Variants in ZNF461 observed in about 807,000 individuals in gnomAD.
ZNF461 encodes the protein zinc finger protein 461, also known as gonadotropin-inducible ovarian transcription factor-1.
Under a neutral mutation model 18.3 loss-of-function variants are expected in ZNF461, and 16 were observed. The ratio of observed to expected loss-of-function variants is 0.88; its 90% confidence interval spans 0.59 to 1.33. ZNF461 has a LOEUF of 1.33. Ranked by LOEUF, ZNF461 falls within the 40% of genes most tolerant of loss-of-function variation. ZNF461 has a pLI of 0.00. For missense variants in ZNF461, 595 were observed against 669.9 expected, an observed-to-expected ratio of 0.89 and a Z score of 1.23; for synonymous variants, 179 against 216.9, an observed-to-expected ratio of 0.83 and a Z score of 1.54.
intron 2 of ZNF461, among the ~76,000 whole-genome samples, chr19:36,661,956 G>A (rs1030844647): frequency 2.9e-4 from 44 of 151,044 alleles, no homozygotes; most frequent in Admixed American, 2.6e-4. Context: ...TGCAACCTCT[G>A]CCTCCCGGGT....
intron 4 of ZNF461, among the ~76,000 whole-genome samples, chr19:36,655,341 T>G (rs890629572): frequency 6.6e-6 from 1 of 152,154 alleles, no homozygotes; most frequent in African/African-American, 2.4e-5. Flanking sequence ...CAGTGGTGTA[T>G]GCCTGTAATC....
At chr19:36,650,108 G>A (rs934434952) in intron 4 of ZNF461, among the ~76,000 whole-genome samples, 2 of 152,168 alleles carry the variant, frequency 1.3e-5, no homozygotes, top group Non-Finnish European at 2.9e-5. Flanking sequence ...CCAGAAGACG[G>A]AGGGTCCAGT....
rs1435710730 is a variant in ZNF461 at position 36,666,097 on chromosome 19, T to TTG, written c.-81+592_-81+593insCA. On this transcript the variant is annotated intron_variant, in intron 1 of 5. Coordinates refer to ENST00000588268, the MANE Select transcript of ZNF461 (RefSeq NM_153257.5). The stretch of plus-strand genomic sequence containing the variant: ...GAGGATAACGTGAATGTTTTTTTGT[T>TTG]TTTTTTTTTTTGAGACAGTTTCGTT... 2.1e-5 allele frequency among the ~76,000 whole-genome samples: 3 copies of TTG among 142,522 alleles called. No homozygotes were observed. In the East Asian group the frequency reaches 6.1e-4, roughly 29 times the overall value. The allele number at this position is 142,522 out of a possible 152,430, so 93.5% of individuals were successfully genotyped here.
chr19:36,661,065 C>T (rs553264906), intron 2 of ZNF461, among the ~76,000 whole-genome samples: 3 of 152,146 alleles, frequency 2.0e-5, no homozygotes, highest in African/African-American at 7.2e-5. Flanking sequence ...TGCTTAAGGC[C>T]AGGAGTTTGA....
chr19:36,643,940 T>A, intron 4 of ZNF461, 78 bp from the exon 5 acceptor site: 1 of 1,196,654 alleles, frequency 8.4e-7, no homozygotes, highest in Non-Finnish European at 1.1e-6. Context: ...TATCTATTTC[T>A]TTTTCTTTTT....
At chr19:36,649,416 T>C (rs2037587043) in intron 4 of ZNF461, among the ~76,000 whole-genome samples, 1 of 152,224 alleles carries the variant, frequency 6.6e-6, no homozygotes, top group South Asian at 2.1e-4. Context: ...CTGCAACCTC[T>C]GCCTCCCAGG....
At chr19:36,643,914 T>C in intron 4 of ZNF461, 52 bp from the exon 5 acceptor site, 2 of 1,328,910 alleles carry the variant, frequency 1.5e-6, no homozygotes, top group East Asian at 2.7e-5. Context: ...TATTTTATTA[T>C]ACAATAAAAA....
chr19:36,660,783 G>A (rs1180412237), intron 2 of ZNF461, among the ~76,000 whole-genome samples: 1 of 150,992 alleles, frequency 6.6e-6, no homozygotes, highest in Admixed American at 6.6e-5. Context: ...AAATTCTTCA[G>A]GTGGAAAAAA....
At chr19:36,646,619 A>T (rs2037533040) in intron 4 of ZNF461, among the ~76,000 whole-genome samples, 4 of 152,190 alleles carry the variant, frequency 2.6e-5, no homozygotes, top group African/African-American at 9.7e-5. Context: ...CAAATAACTA[A>T]TGCATCATGT....
At chr19:36,658,892 G>A (rs1405349217) in intron 2 of ZNF461, among the ~76,000 whole-genome samples, 1 of 152,146 alleles carries the variant, frequency 6.6e-6, no homozygotes, top group Non-Finnish European at 1.5e-5. Flanking sequence ...GGACACTGCT[G>A]TATCTTGCAT....
At chr19:36,658,476 A>T in intron 2 of ZNF461, 51 bp from the exon 3 acceptor site, 2 of 1,526,272 alleles carry the variant, frequency 1.3e-6, no homozygotes, top group South Asian at 2.5e-5. Context: ...AAATGTTTTT[A>T]AAAAGAAAAG....
intron 2 of ZNF461, among the ~76,000 whole-genome samples, chr19:36,662,990 T>C (rs2037842933): frequency 6.6e-6 from 1 of 152,220 alleles, no homozygotes; most frequent in Non-Finnish European, 1.5e-5. Context: ...AATTAATGTC[T>C]CTTACTGCTG....
At chr19:36,658,877 T>C (rs760272457) in intron 2 of ZNF461, among the ~76,000 whole-genome samples, 1 of 152,208 alleles carries the variant, frequency 6.6e-6, no homozygotes, top group African/African-American at 2.4e-5. Context: ...ATATTTTCCA[T>C]AGATGGACAC....
intron 2 of ZNF461, among the ~76,000 whole-genome samples, chr19:36,660,293 G>T (rs1488828709): frequency 1.3e-5 from 2 of 151,576 alleles, no homozygotes; most frequent in Non-Finnish European, 2.9e-5. Flanking sequence ...GGGATTACAG[G>T]TGCACACCAC....
At chr19:36,649,195 G>T (rs1225235374) in intron 4 of ZNF461, among the ~76,000 whole-genome samples, 1 of 152,136 alleles carries the variant, frequency 6.6e-6, no homozygotes, top group African/African-American at 2.4e-5. Context: ...ATCTGAAGGA[G>T]AAAAGGCAAT....
chr19:36,665,156 A>C (rs1427604679), intron 1 of ZNF461, among the ~76,000 whole-genome samples: 1 of 152,186 alleles, frequency 6.6e-6, no homozygotes, highest in Non-Finnish European at 1.5e-5. Flanking sequence ...CATTATGAGA[A>C]AAGATTAGGG....
intron 1 of ZNF461, among the ~76,000 whole-genome samples, chr19:36,666,436 A>C (rs534002723): frequency 1.3e-5 from 2 of 152,114 alleles, no homozygotes; most frequent in South Asian, 4.1e-4. Context: ...TGAGATTTAC[A>C]CAAATAGCCA....
chr19:36,660,473 C>T (rs2037798677), intron 2 of ZNF461, among the ~76,000 whole-genome samples: 1 of 151,926 alleles, frequency 6.6e-6, no homozygotes, highest in South Asian at 2.1e-4. Context: ...TTTAATGTCA[C>T]ATTTCATCAG....
intron 4 of ZNF461, among the ~76,000 whole-genome samples, chr19:36,652,485 A>G (rs2037644286): frequency 6.8e-6 from 1 of 147,386 alleles, no homozygotes; most frequent in Admixed American, 6.9e-5. Flanking sequence ...TGGGTGACAG[A>G]GCAAGACTCC....
Sources: gnomAD v4.1 joint callset for allele counts (sites outside exome capture counted in the v4.1 genomes callset) on GRCh38, gnomAD v4.1.1 for gene constraint, MANE v1.5 for transcripts, NCBI Gene and HGNC (gene_info 2026-07-23, HGNC 2026-07-21) for gene names.